The following GLCE variants were observed in gnomAD, a reference collection of about 807,000 sequenced individuals.
The protein encoded by GLCE is D-glucuronyl C5-epimerase.
Under a neutral mutation model 47.9 loss-of-function variants are expected in GLCE, and 19 were observed. That is an observed-to-expected ratio of 0.40 (90% CI 0.28 to 0.58). GLCE has a LOEUF of 0.58. Ranked by LOEUF, GLCE falls within the 20% of genes least tolerant of loss-of-function variation. The pLI, the probability that GLCE is intolerant of heterozygous loss-of-function variation, is 0.48. For missense variants in GLCE, 556 were observed against 743.3 expected (o/e 0.75, Z 2.93); for synonymous variants, 245 against 263.4 (o/e 0.93, Z 0.68).
At chr15:69,178,813 T>G (rs1409828030) in intron 1 of GLCE, among the ~76,000 whole-genome samples, 3 of 152,138 alleles carry the variant, frequency 2.0e-5, no homozygotes, top group Non-Finnish European at 4.4e-5. Context: ...TAATTTATCT[T>G]TGCTCTTTAT....
intron 3 of GLCE, among the ~76,000 whole-genome samples, chr15:69,258,029 T>C (rs1369718039): frequency 6.6e-6 from 1 of 152,110 alleles, no homozygotes. Flanking sequence ...CAGGGGTACA[T>C]GTGCAGTTTT....
Position 69,200,157 on chromosome 15 carries a change from GT to G in GLCE, c.-104-10156del, listed in dbSNP as rs539458027. Among the ~76,000 whole-genome samples, 433 of 152,222 alleles carry G rather than the reference GT, an allele frequency of 2.8e-3. 2 individuals are homozygous for G. The highest frequency in any genetic ancestry group is 6.8e-3 in the Admixed American group (104 of 15,286). ...TTGACACTAATCAGGCAAGGAGAAA[GT>G]TTCGTGCCATCTGTGTTGTGGCATG... is the stretch of plus-strand genomic sequence containing the variant. On this transcript the variant is annotated intron_variant, in intron 1 of 4. Coordinates refer to ENST00000261858, the MANE Select transcript of GLCE (RefSeq NM_015554.3).
chr15:69,193,544 C>T (rs532576436), intron 1 of GLCE, among the ~76,000 whole-genome samples: 1 of 152,158 alleles, frequency 6.6e-6, no homozygotes, highest in East Asian at 1.9e-4. Context: ...GGATCTCAAA[C>T]TTCAGATTTT....
chr15:69,196,250 G>T (rs563827827), intron 1 of GLCE, among the ~76,000 whole-genome samples: 1 of 152,140 alleles, frequency 6.6e-6, no homozygotes, highest in East Asian at 1.9e-4. Context: ...GGAGTGTTAG[G>T]CTGGTGCAGA....
intron 2 of GLCE, among the ~76,000 whole-genome samples, chr15:69,215,552 G>GTGTA (rs1264825786): frequency 6.6e-6 from 1 of 151,716 alleles, no homozygotes; most frequent in African/African-American, 2.4e-5. Context: ...GTGTGTGTGT[G>GTGTA]TGTGTGTGTG....
chr15:69,235,796 G>A (rs574995193), intron 2 of GLCE, among the ~76,000 whole-genome samples: 38 of 152,152 alleles, frequency 2.5e-4, no homozygotes, highest in African/African-American at 7.9e-4. Context: ...TTTTACTAAG[G>A]TATAGTTTAC....
intron 1 of GLCE, among the ~76,000 whole-genome samples, chr15:69,175,313 T>C (rs542618386): frequency 1.4e-4 from 22 of 152,288 alleles, no homozygotes. Flanking sequence ...TCCCTTTTGT[T>C]GTTTTTCAAT....
chr15:69,242,817 G>T (rs1476601836), intron 2 of GLCE, among the ~76,000 whole-genome samples: 2 of 151,894 alleles, frequency 1.3e-5, no homozygotes, highest in Non-Finnish European at 2.9e-5. Flanking sequence ...AGCCGAGGCA[G>T]GGGGTGTTGC....
chr15:69,209,693 G>A (rs2052202493), intron 1 of GLCE, among the ~76,000 whole-genome samples: 2 of 152,106 alleles, frequency 1.3e-5, no homozygotes, highest in South Asian at 4.1e-4. Flanking sequence ...TGATCTCCCA[G>A]TAATTTCTAA....
Position 69,270,636 on chromosome 15 carries a change from C to T in GLCE, c.*1392C>T, listed in dbSNP as rs1237130873. The T allele has an allele frequency of 6.6e-6, 1 of 152,152 alleles. No homozygotes were observed. Among genetic ancestry groups the T allele is most frequent in the Non-Finnish European group, 1.5e-5 (1 of 68,024 alleles). 9.4% of individuals were successfully genotyped at this position (152,152 alleles called of 1,614,324 possible). ...ATTTATCTGTGACCTATATCAAGTA[C>T]ACATTTAGGAGCCAGGTAGGTTACC... On this transcript the variant is annotated 3_prime_UTR_variant, in exon 5 of 5. Coordinates refer to ENST00000261858, the MANE Select transcript of GLCE (RefSeq NM_015554.3).
At chr15:69,181,000 G>A (rs1171763514) in intron 1 of GLCE, among the ~76,000 whole-genome samples, 1 of 152,152 alleles carries the variant, frequency 6.6e-6, no homozygotes, top group African/African-American at 2.4e-5. Flanking sequence ...AGTGGTGGTG[G>A]TGAGTAATTG....
intron 1 of GLCE, among the ~76,000 whole-genome samples, chr15:69,191,373 G>A (rs2051911220): frequency 6.6e-6 from 1 of 152,120 alleles, no homozygotes; most frequent in South Asian, 2.1e-4. Context: ...TCGGGACTTA[G>A]CATATAGTCA....
At chr15:69,249,518 AT>A (rs1186372113) in intron 2 of GLCE, among the ~76,000 whole-genome samples, 1 of 152,180 alleles carries the variant, frequency 6.6e-6, no homozygotes, top group Non-Finnish European at 1.5e-5. Context: ...TCAATAAATT[AT>A]TTTTTAATTA....
At chr15:69,223,245 G>A (rs2052401482) in intron 2 of GLCE, among the ~76,000 whole-genome samples, 1 of 152,034 alleles carries the variant, frequency 6.6e-6, no homozygotes, top group Non-Finnish European at 1.5e-5. Context: ...CAGGTCTAGT[G>A]GTAATGAATT....
intron 3 of GLCE, among the ~76,000 whole-genome samples, chr15:69,258,740 C>G (rs917136208): frequency 6.6e-6 from 1 of 152,024 alleles, no homozygotes; most frequent in African/African-American, 2.4e-5. Context: ...ACAAACAATC[C>G]AGTAATATTC....
intron 1 of GLCE, among the ~76,000 whole-genome samples, chr15:69,170,663 T>C (rs2051575791): frequency 6.6e-6 from 1 of 152,348 alleles, no homozygotes; most frequent in Admixed American, 6.5e-5. Flanking sequence ...GATGTGTTAT[T>C]GTGTACCATT....
intron 1 of GLCE, among the ~76,000 whole-genome samples, chr15:69,176,740 A>G (rs1220130366): frequency 1.3e-5 from 2 of 152,228 alleles, no homozygotes; most frequent in Admixed American, 1.3e-4. Flanking sequence ...CCTCATACAT[A>G]GCAGATTCCA....
rs192123675 is a variant in GLCE, at chr15:69,269,674, G to C, written c.*430G>C. 1 of 158,852 alleles carries C rather than the reference G, an allele frequency of 6.3e-6. No individual in the cohort carries two copies. The highest frequency in any genetic ancestry group is 6.2e-5 in the Admixed American group (1 of 16,102). 9.8% of individuals were successfully genotyped at this position (158,852 alleles called of 1,614,324 possible). A position where few individuals can be genotyped will look rare whatever the true frequency, so the allele number is the denominator to read the frequency against. ...CGGACTTTAAAAAAAATAATGTGCTGTAACACAGTAAATATGTACTTGTAG... is the reference window on the plus strand; with the variant it reads ...CGGACTTTAAAAAAAATAATGTGCTCTAACACAGTAAATATGTACTTGTAG... On this transcript the variant is annotated 3_prime_UTR_variant, in exon 5 of 5. Transcript: ENST00000261858.
intron 1 of GLCE, among the ~76,000 whole-genome samples, chr15:69,188,746 C>G (rs2051869165): frequency 6.6e-6 from 1 of 152,124 alleles, no homozygotes; most frequent in African/African-American, 2.4e-5. Context: ...TAATTTATCT[C>G]TCTCACTTGT....
Sources: gnomAD v4.1 joint callset for allele counts (sites outside exome capture counted in the v4.1 genomes callset) on GRCh38, gnomAD v4.1.1 for gene constraint, MANE v1.5 for transcripts, NCBI Gene and HGNC (gene_info 2026-07-23, HGNC 2026-07-21) for gene names.